The following ZDHHC14 variants were observed in gnomAD, a reference collection of about 807,000 sequenced individuals.
ZDHHC14 encodes the protein palmitoyltransferase ZDHHC14.
ZDHHC14 carries 16 observed loss-of-function variants against 47.7 expected under a neutral mutation model. That is an observed-to-expected ratio of 0.34 (90% CI 0.23 to 0.51). ZDHHC14 has a LOEUF of 0.51. Ranked by LOEUF, ZDHHC14 falls within the 20% of genes least tolerant of loss-of-function variation. The pLI is 0.97. For synonymous variants in ZDHHC14, 293 were observed against 278.9 expected, an observed-to-expected ratio of 1.05 and a Z score of -0.50; for missense variants, 515 against 662.5, an observed-to-expected ratio of 0.78 and a Z score of 2.44.
intron 2 of ZDHHC14, among the ~76,000 whole-genome samples, chr6:157,580,507 C>A (rs1373963403): frequency 1.3e-5 from 2 of 152,084 alleles, no homozygotes; most frequent in Non-Finnish European, 2.9e-5. Context: ...GGCTGTGAAT[C>A]CATCTGGTCC....
chr6:157,627,983 G>A (rs1213803390), intron 3 of ZDHHC14, among the ~76,000 whole-genome samples: 18 of 152,152 alleles, frequency 1.2e-4, no homozygotes, highest in Admixed American at 1.0e-3. Context: ...ACCATCAGGC[G>A]GTGTTGGTTC....
intron 1 of ZDHHC14, among the ~76,000 whole-genome samples, chr6:157,415,756 C>A (rs1203356838): frequency 2.6e-5 from 4 of 152,032 alleles, no homozygotes; most frequent in African/African-American, 9.7e-5. Context: ...TGCCTGTAAT[C>A]CCAGCCACTT....
intron 1 of ZDHHC14, among the ~76,000 whole-genome samples, chr6:157,446,894 G>A (rs1016653385): frequency 3.3e-5 from 5 of 151,816 alleles, no homozygotes; most frequent in Non-Finnish European, 5.9e-5. Context: ...CGAGGCAGGC[G>A]GATCACCTGA....
chr6:157,572,484 AC>A (rs1022321801), intron 2 of ZDHHC14, among the ~76,000 whole-genome samples: 2 of 151,920 alleles, frequency 1.3e-5, no homozygotes, highest in African/African-American at 4.8e-5. Flanking sequence ...AAGAGGACTA[AC>A]CTTTTTTTTT....
At position 157,654,179 on chromosome 6, in the gene ZDHHC14, C is replaced by T. The variant is rs537492845; in HGVS notation, c.1068+552C>T. Among the ~76,000 whole-genome samples, 5 of 152,294 alleles carry T rather than the reference C, an allele frequency of 3.3e-5. No individual in the cohort carries two copies. The East Asian group carries it at 9.7e-4, about 29-fold the overall frequency. On this transcript the variant is annotated intron_variant, in intron 8 of 8. Coordinates refer to ENST00000359775, the MANE Select transcript of ZDHHC14 (RefSeq NM_024630.3). ...CTCTCCAGAGCGTGTGCACATCTCA[C>T]GCTTTCTTCGACGGGTGGACATGCT...
intron 3 of ZDHHC14, among the ~76,000 whole-genome samples, chr6:157,623,279 A>G (rs1448409051): frequency 6.6e-6 from 1 of 152,076 alleles, no homozygotes; most frequent in Non-Finnish European, 1.5e-5. Flanking sequence ...AGTTTCCCCC[A>G]TGCTATTCTC....
chr6:157,510,234 ACT>A (rs1191075285), intron 1 of ZDHHC14, among the ~76,000 whole-genome samples: 1 of 151,952 alleles, frequency 6.6e-6, no homozygotes, highest in Non-Finnish European at 1.5e-5. Context: ...ACAGAGCGAG[ACT>A]CTGTCTCAAA....
At chr6:157,504,717 G>A (rs147704801) in intron 1 of ZDHHC14, among the ~76,000 whole-genome samples, 346 of 151,248 alleles carry the variant, frequency 2.3e-3, no homozygotes, top group Non-Finnish European at 3.8e-3. Context: ...GGCCTGCATG[G>A]GCATATCTTA....
chr6:157,664,142 T>C (rs541612952), intron 8 of ZDHHC14, among the ~76,000 whole-genome samples: 1 of 152,342 alleles, frequency 6.6e-6, no homozygotes, highest in East Asian at 1.9e-4. Flanking sequence ...TCCCTGAGGC[T>C]CTGTGCTTTT....
At chr6:157,528,723 C>G (rs1011691927) in intron 1 of ZDHHC14, among the ~76,000 whole-genome samples, 1 of 150,962 alleles carries the variant, frequency 6.6e-6, no homozygotes, top group African/African-American at 2.4e-5. Flanking sequence ...CAGAGCAAGA[C>G]TTCATCTCAA....
intron 1 of ZDHHC14, among the ~76,000 whole-genome samples, chr6:157,441,391 C>T (rs1351238993): frequency 6.6e-6 from 1 of 152,202 alleles, no homozygotes; most frequent in Non-Finnish European, 1.5e-5. Flanking sequence ...GTTGCTGTAG[C>T]CTCCTCATTG....
At position 157,674,744 on chromosome 6, in the gene ZDHHC14, T is replaced by C. The variant is rs1045451481; in HGVS notation, c.*1622T>C. The C allele has an allele frequency of 2.0e-5, 3 of 152,332 alleles. No homozygotes were observed. Among genetic ancestry groups the C allele is most frequent in the South Asian group, 4.1e-4 (2 of 4,822 alleles). The allele number at this position is 152,332 out of a possible 1,614,324, so 9.4% of individuals were successfully genotyped here. ...GATAGGAAAAAGAAAAGCACACAAG[T>C]TTTATTTGGAATGAAGGCAATTCAC... On this transcript the variant is annotated 3_prime_UTR_variant, in exon 9 of 9. Transcript: ENST00000359775.
chr6:157,396,068 C>T (rs1191866273), intron 1 of ZDHHC14, among the ~76,000 whole-genome samples: 2 of 151,972 alleles, frequency 1.3e-5, no homozygotes, highest in Admixed American at 6.5e-5. Flanking sequence ...TAGAGTAGAC[C>T]TCCCTGTCTC....
chr6:157,389,618 C>A (rs1777382072), intron 1 of ZDHHC14, among the ~76,000 whole-genome samples: 1 of 152,064 alleles, frequency 6.6e-6, no homozygotes, highest in African/African-American at 2.4e-5. Context: ...TTATCTTTAA[C>A]AAAGTCTTAG....
At chr6:157,655,616 A>C (rs901255413) in intron 8 of ZDHHC14, among the ~76,000 whole-genome samples, 3 of 152,214 alleles carry the variant, frequency 2.0e-5, no homozygotes, top group Non-Finnish European at 4.4e-5. Context: ...TCATTCAATC[A>C]GCCACTCTAC....
At chr6:157,610,249 G>A (rs369172535) in intron 3 of ZDHHC14, among the ~76,000 whole-genome samples, 14 of 152,204 alleles carry the variant, frequency 9.2e-5, no homozygotes, top group African/African-American at 3.1e-4. Context: ...TCAAGACCAC[G>A]GTGAAACCTC....
intron 1 of ZDHHC14, among the ~76,000 whole-genome samples, chr6:157,411,897 G>A (rs1001522125): frequency 6.6e-6 from 1 of 151,526 alleles, no homozygotes; most frequent in Non-Finnish European, 1.5e-5. Flanking sequence ...CTTTAGATAT[G>A]TAGTTTGTTG....
intron 1 of ZDHHC14, among the ~76,000 whole-genome samples, chr6:157,532,768 G>T (rs1440312556): frequency 1.3e-5 from 2 of 152,258 alleles, no homozygotes; most frequent in Non-Finnish European, 2.9e-5. Context: ...GGTATTGTAA[G>T]ACAACTTGCA....
In ZDHHC14 at chr6:157,408,554, G is replaced by A. The variant is rs148670839; in HGVS notation, c.245+26288G>A. The stretch of plus-strand genomic sequence containing the variant: ...TTCTAAGTGAGAACATGTGGTGTTC[G>A]GTTCTCTGTTCCTGCATTAATTTCC... On this transcript the variant is annotated intron_variant, in intron 1 of 8. Coordinates refer to ENST00000359775, the MANE Select transcript of ZDHHC14 (RefSeq NM_024630.3). 2.7e-3 allele frequency among the ~76,000 whole-genome samples: 415 copies of A among 152,218 alleles called. 5 individuals are homozygous for A. Among genetic ancestry groups the A allele is most frequent in the Middle Eastern group, 0.024 (7 of 292 alleles).
Sources: gnomAD v4.1 joint callset for allele counts (sites outside exome capture counted in the v4.1 genomes callset) on GRCh38, gnomAD v4.1.1 for gene constraint, MANE v1.5 for transcripts, NCBI Gene and HGNC (gene_info 2026-07-23, HGNC 2026-07-21) for gene names.